Variants in MYO7A observed in about 807,000 individuals in gnomAD.
MYO7A encodes unconventional myosin-VIIa.
MYO7A carries 210 observed loss-of-function variants against 263.8 expected under a neutral mutation model. The observed-to-expected ratio is 0.80, with a 90% CI of 0.71 to 0.89. The LOEUF is 0.89. Among genes scored for constraint, MYO7A ranks in the 40% least tolerant of loss-of-function variants. The pLI, the probability that MYO7A is intolerant of heterozygous loss-of-function variation, is 0.00. For missense variants in MYO7A, 2,820 were observed against 2,968.3 expected, an observed-to-expected ratio of 0.95 and a Z score of 1.16; for synonymous variants, 1,239 against 1,197.3, an observed-to-expected ratio of 1.03 and a Z score of -0.72.
Position 77,204,171 on chromosome 11 carries a change from C to A in MYO7A, c.5422C>A (p.Pro1808Thr). The change falls in exon 39 of 49, where the codon CCC becomes ACC. Residue 1808 changes from proline (P) to threonine (T), a missense_variant. Pro to Thr is a conservative substitution (Grantham distance 38, BLOSUM62 -1). Coordinates refer to ENST00000409709, the MANE Select transcript of MYO7A (RefSeq NM_000260.4). ...CTTTGAGGGTCCCCTGAAAGCCGAG[C>A]CCCTGAAGGACGAGGCATATGTGCA... ...QIFEGPLKAE[P>T]LKDEAYVQIL... The A allele has an allele frequency of 1.3e-6, 2 of 1,589,850 alleles. No homozygotes were observed. The highest frequency in any genetic ancestry group is 1.7e-6 in the Non-Finnish European group (2 of 1,168,582).
rs367990576 is a variant in MYO7A at position 77,201,479 on chromosome 11, C to T, written c.4884C>T (p.Ala1628=). 8 of 1,613,840 alleles carry T rather than the reference C, an allele frequency of 5.0e-6. No individual in the cohort carries two copies. The African/African-American group carries it at 6.7e-5, about 13-fold the overall frequency. The change falls in exon 36 of 49, where the codon GCC becomes GCT. Residue 1628 remains alanine, a synonymous_variant. Coordinates refer to ENST00000409709, the MANE Select transcript of MYO7A (RefSeq NM_000260.4). The part of the protein sequence containing the change: ...AGEESGFLSF[A]KGDLIILDHD... ...AGGAGTCAGGCTTCCTCAGCTTTGCCAAGGGAGACCTCATCATCCTGGACC... is the reference window on the plus strand; with the variant it reads ...AGGAGTCAGGCTTCCTCAGCTTTGCTAAGGGAGACCTCATCATCCTGGACC...
At position 77,192,235 on chromosome 11, in the gene MYO7A, A is replaced by T. The variant is rs1431186660; in HGVS notation, c.4109A>T (p.Gln1370Leu). Residue 1370 changes from glutamine to leucine, a missense_variant, in exon 31 of 49, where the codon CAG becomes CTG. Physicochemically the swap from Gln to Leu is moderately radical, Grantham distance 113. Coordinates refer to ENST00000409709, the MANE Select transcript of MYO7A (RefSeq NM_000260.4). Reference sequence around the variant, plus strand: ...GTGGCCACCAACCTCATCTACCAGCAGGTGGTGCGAGGAGTCAAGTTTGGG... The same window carrying T: ...GTGGCCACCAACCTCATCTACCAGCTGGTGGTGCGAGGAGTCAAGTTTGGG... ...DNVATNLIYQ[Q>L]VVRGVKFGEY... The T allele has an allele frequency of 6.2e-7, 1 of 1,613,950 alleles. No individual in the cohort carries two copies. Among genetic ancestry groups the T allele is most frequent in the Non-Finnish European group, 8.5e-7 (1 of 1,179,902 alleles).
intron 35 of MYO7A, among the ~76,000 whole-genome samples, chr11:77,200,112 G>A (rs546143111): frequency 6.6e-6 from 1 of 151,898 alleles, no homozygotes; most frequent in African/African-American, 2.4e-5. Context: ...TCTACAAAAG[G>A]TTAAATAAAT....
intron 44 of MYO7A, chr11:77,210,898 TG>T: frequency 2.2e-6 from 1 of 462,744 alleles, no homozygotes; most frequent in Non-Finnish European, 3.9e-6. Context: ...TGGACTGTTA[TG>T]GGGGGACATG....
intron 2 of MYO7A, 23 bp downstream of exon 2, chr11:77,130,675 G>C (rs782264432): frequency 1.2e-5 from 20 of 1,612,298 alleles, no homozygotes; most frequent in Non-Finnish European, 1.7e-5. Context: ...ACCTCTTTGG[G>C]TGGCCTGTCC....
intron 34 of MYO7A, among the ~76,000 whole-genome samples, chr11:77,199,329 G>T (rs2135676803): frequency 6.6e-6 from 1 of 152,318 alleles, no homozygotes; most frequent in Admixed American, 6.5e-5. Flanking sequence ...ACTTCCTGGA[G>T]GAAGTGGCAT....
In MYO7A at chr11:77,162,934, G is replaced by A; in HGVS notation, c.1636G>A (p.Glu546Lys). The change falls in exon 14 of 49, where the codon GAG (glutamate) becomes AAG (lysine). Residue 546 changes from glutamate (E) to lysine (K), a missense_variant. Glu to Lys is a moderately conservative substitution (Grantham distance 56). Coordinates refer to ENST00000409709, the MANE Select transcript of MYO7A (RefSeq NM_000260.4). Reference protein sequence around the residue: ...ANYIPPKNNHETQFGINHFAG... With the variant: ...ANYIPPKNNHKTQFGINHFAG... ...CTACATCCCCCCCAAGAACAACCAT[G>A]AGACCCAGTTTGGCATCAACCATTT... 2.5e-6 allele frequency: 4 copies of A among 1,613,800 alleles called. No homozygotes were observed. Among genetic ancestry groups the A allele is most frequent in the Middle Eastern group, 1.7e-4 (1 of 6,060 alleles).
intron 30 of MYO7A, 117 bp downstream of exon 30, chr11:77,190,987 CCT>C (rs1178186238): frequency 2.4e-5 from 29 of 1,195,924 alleles, no homozygotes; most frequent in Non-Finnish European, 3.0e-5. Context: ...TCGGTTTCCC[CCT>C]GAGCCTGTGC....
chr11:77,184,776 T>C, intron 27 of MYO7A, 61 bp downstream of exon 27: 1 of 1,574,046 alleles, frequency 6.4e-7, no homozygotes, highest in Non-Finnish European at 8.6e-7. Flanking sequence ...GAGTGGTGCC[T>C]CTGTCAACCT....
In MYO7A at chr11:77,181,562, G is replaced by A; in HGVS notation, c.2877G>A (p.Gln959=). 1 of 1,613,346 alleles carries A rather than the reference G, an allele frequency of 6.2e-7. No homozygotes were observed. Among genetic ancestry groups the A allele is most frequent in the Non-Finnish European group, 8.5e-7 (1 of 1,179,862 alleles). ...GGACTTCAGGTGGCCTGCCAGGCCA[G>A]GAGGGCCAGGCACCTAGTGGCTTTG... ...FLGTSGGLPG[Q]EGQAPSGFED... The change falls in exon 23 of 49, where the codon CAG becomes CAA. Residue 959 remains glutamine, a synonymous_variant. Coordinates refer to ENST00000409709, the MANE Select transcript of MYO7A (RefSeq NM_000260.4).
chr11:77,182,467 A>G lies in MYO7A; in HGVS notation c.3152A>G (p.Asp1051Gly), dbSNP rs781874436. Residue 1051 changes from aspartate to glycine, a missense_variant, in exon 25 of 49, where the codon GAC becomes GGC. Transcript: ENST00000409709. ...VWITILRFMG[D>G]LPEPKYHTAM... is the part of the protein sequence containing the mutation. ...ATCACCATCCTCCGCTTCATGGGGG[A>G]CCTCCCTGAGCCCAAGTACCACACA... 3 of 1,609,632 alleles carry G rather than the reference A, an allele frequency of 1.9e-6. No homozygotes were observed. Among genetic ancestry groups the G allele is most frequent in the Non-Finnish European group, 1.7e-6 (2 of 1,179,756 alleles).
intron 9 of MYO7A, among the ~76,000 whole-genome samples, chr11:77,159,159 G>A (rs1181790473): frequency 6.6e-6 from 1 of 152,240 alleles, no homozygotes; most frequent in Non-Finnish European, 1.5e-5. Flanking sequence ...AGAGCCCTGG[G>A]AGTGGGGAGA....
intron 22 of MYO7A, among the ~76,000 whole-genome samples, chr11:77,180,780 G>A (rs557517128): frequency 6.6e-6 from 1 of 152,322 alleles, no homozygotes; most frequent in East Asian, 1.9e-4. Context: ...GCACGAGGGT[G>A]CTACACTGCC....
At chr11:77,160,034 C>G in intron 10 of MYO7A, 129 bp from the exon 11 acceptor site, 1 of 1,386,794 alleles carries the variant, frequency 7.2e-7, no homozygotes, top group Non-Finnish European at 9.6e-7. Flanking sequence ...GGCCGTGGGC[C>G]CTGGGGCAGG....
At chr11:77,194,206 G>C in intron 31 of MYO7A, 148 bp from the exon 32 acceptor site, 2 of 937,466 alleles carry the variant, frequency 2.1e-6, no homozygotes, top group Non-Finnish European at 1.7e-6. Context: ...ATTCCCTGGT[G>C]AATCAGTGAG....
rs1954940700 is a variant in MYO7A at position 77,179,184 on chromosome 11, C to T, written c.2367+55C>T. 2.0e-6 allele frequency: 3 copies of T among 1,496,086 alleles called. No individual in the cohort carries two copies. In the African/African-American group the frequency reaches 4.2e-5, roughly 21 times the overall value. 92.7% of individuals were successfully genotyped at this position (1,496,086 alleles called of 1,614,324 possible). The stretch of plus-strand genomic sequence containing the variant: ...AAACAGGCCTTTGAACCCAGCCTTG[C>T]TGCCATGGCAGTGGGACTGGCCTGC... On this transcript the variant is annotated intron_variant, in intron 20 of 48. Transcript: ENST00000409709.
At position 77,175,465 on chromosome 11, in the gene MYO7A, G is replaced by A. The variant is rs111033290; in HGVS notation, c.2187+1G>A. On this transcript the variant is annotated splice_donor_variant, in intron 18 of 48. Transcript: ENST00000409709. LOFTEE classifies it high-confidence loss of function. Reference sequence around the variant, plus strand: ...AGGCAAAACCAAGATCTTTCTGAAGGTGAGCACAGATGCCTTCCCTGGGCT... The same window carrying A: ...AGGCAAAACCAAGATCTTTCTGAAGATGAGCACAGATGCCTTCCCTGGGCT... The A allele has an allele frequency of 1.6e-5, 26 of 1,612,952 alleles. No individual in the cohort carries two copies. Among genetic ancestry groups the A allele is most frequent in the Non-Finnish European group, 3.4e-6 (4 of 1,179,840 alleles).
At chr11:77,141,976 A>G (rs1951236118) in intron 2 of MYO7A, among the ~76,000 whole-genome samples, 1 of 152,266 alleles carries the variant, frequency 6.6e-6, no homozygotes, top group Non-Finnish European at 1.5e-5. Context: ...TAGATTAATC[A>G]GTGCTTTGCA....
Position 77,199,669 on chromosome 11 carries a change from C to T in MYO7A, c.4703C>T (p.Pro1568Leu). The T allele has an allele frequency of 6.2e-7, 1 of 1,613,260 alleles. No individual in the cohort carries two copies. Among genetic ancestry groups the T allele is most frequent in the Non-Finnish European group, 8.5e-7 (1 of 1,179,774 alleles). Residue 1568 changes from proline (P) to leucine (L), a missense_variant, in exon 35 of 49, where the codon CCC becomes CTC. Pro to Leu is a moderately conservative substitution (Grantham distance 98). Transcript: ENST00000409709. ...TGCAGGGGAGCGAAAACGACGGCCC[C>T]CAGCTTCACGCTGGCCACCATCAAG... ...WSCRGAKTTA[P>L]SFTLATIKGD...
Sources: gnomAD v4.1 joint callset for allele counts (sites outside exome capture counted in the v4.1 genomes callset) on GRCh38, gnomAD v4.1.1 for gene constraint, MANE v1.5 for transcripts, NCBI Gene and HGNC (gene_info 2026-07-23, HGNC 2026-07-21) for gene names.